IRF9: variants seen among roughly 807,000 people sequenced by gnomAD.
IRF9 encodes the protein interferon regulatory factor 9, also known as IFN-alpha-responsive transcription factor subunit.
A neutral mutation model predicts 44.1 loss-of-function variants in IRF9; 13 were observed. The ratio of observed to expected loss-of-function variants is 0.29; its 90% CI spans 0.19 to 0.47. The LOEUF is 0.47. Among genes scored for constraint, IRF9 ranks in the 20% least tolerant of loss-of-function variants. The probability of loss-of-function intolerance (pLI) is 1.00; values close to 1 mark genes in which losing one functional copy is unlikely to be tolerated. For synonymous variants in IRF9, 189 were observed against 188.5 expected (o/e 1.00, Z -0.02); for missense variants, 373 against 496.1 (o/e 0.75, Z 2.36).
At position 24,162,673 on chromosome 14, in the gene IRF9, G is replaced by A. The variant is rs1594388881; in HGVS notation, c.181-293G>A. On this transcript the variant is annotated intron_variant, in intron 2 of 8. Transcript: ENST00000396864. Reference sequence around the variant, plus strand: ...AACTTAGCTGGGCCTAGCGGTGCATGCCTGTAGTCCCAGCTACTCGGGAGA... The same window carrying A: ...AACTTAGCTGGGCCTAGCGGTGCATACCTGTAGTCCCAGCTACTCGGGAGA... 9 of 444,898 alleles carry A rather than the reference G, an allele frequency of 2.0e-5. 1 individual carries two copies. In the South Asian group the frequency reaches 2.4e-4, roughly 12 times the overall value. The allele number at this position is 444,898 out of a possible 1,614,324, so 27.6% of individuals were successfully genotyped here.
chr14:24,164,856 A>G lies in IRF9; in HGVS notation c.892A>G (p.Ile298Val), dbSNP rs1350718013. ...LFVQRLCPIP[I>V]SWNAPQAPPG... Reference sequence around the variant, plus strand: ...CGTGCAGCGCCTTTGCCCCATCCCCATCTCCTGGAATGCACCCCAGGCTCC... The same window carrying G: ...CGTGCAGCGCCTTTGCCCCATCCCCGTCTCCTGGAATGCACCCCAGGCTCC... Residue 298 changes from isoleucine (I) to valine (V), a missense_variant, in exon 7 of 9, where the codon ATC becomes GTC. By Grantham distance (29) the Ile-to-Val change is conservative. Around this residue, in one of 2 missense-constraint regions of IRF9, gnomAD observed 146 missense variants for 240.8 expected, o/e 0.61. Coordinates refer to ENST00000396864, the MANE Select transcript of IRF9 (RefSeq NM_006084.5). The surrounding 1 kb of genome is among the most constrained non-coding windows in gnomAD (Gnocchi z 5.2). The G allele has an allele frequency of 6.2e-7, 1 of 1,610,788 alleles. No individual in the cohort carries two copies. Among genetic ancestry groups the G allele is most frequent in the South Asian group, 1.1e-5 (1 of 91,054 alleles).
intron 4 of IRF9, 141 bp from the exon 5 acceptor site, chr14:24,163,737 C>A: frequency 1.0e-6 from 1 of 954,838 alleles, no homozygotes; most frequent in Non-Finnish European, 1.6e-6. Context: ...ACTCAGGAGG[C>A]CGAGGCAGGA....
intron 7 of IRF9, 100 bp downstream of exon 7, chr14:24,165,055 A>G: frequency 9.4e-7 from 1 of 1,063,994 alleles, no homozygotes; most frequent in South Asian, 1.3e-5. Flanking sequence ...ATCTGCCAGC[A>G]GATCCTCCAT....
At position 24,164,455 on chromosome 14, in the gene IRF9, T is replaced by C. The variant is rs2038497887; in HGVS notation, c.650-159T>C. The C allele has an allele frequency of 1.4e-6, 1 of 713,884 alleles. No homozygotes were observed. The highest frequency in any genetic ancestry group is 2.7e-5 in the Admixed American group (1 of 36,912). 44.2% of individuals were successfully genotyped at this position (713,884 alleles called of 1,614,324 possible). ...CTGGGCATTGAGCCCTGAGGCCTCA[T>C]GGTGAATCACATACTAGCTACTTGC... On this transcript the variant is annotated intron_variant, in intron 6 of 8. Transcript: ENST00000396864. The surrounding 1 kb of genome is among the most constrained non-coding windows in gnomAD (Gnocchi z 5.2).
At chr14:24,165,775 C>T (rs2038514174) in intron 7 of IRF9, 72 bp from the exon 8 acceptor site, 1 of 1,029,892 alleles carries the variant, frequency 9.7e-7, no homozygotes, top group Non-Finnish European at 1.5e-6. Flanking sequence ...ATGGGTTCCT[C>T]ACTATTGCCT....
rs188267085 is a variant in IRF9 at position 24,164,897 on chromosome 14, G to T, written c.933G>T (p.Pro311=). 6.2e-7 allele frequency: 1 copy of T among 1,612,470 alleles called. No individual in the cohort carries two copies. Among genetic ancestry groups the T allele is most frequent in the Non-Finnish European group, 8.5e-7 (1 of 1,179,920 alleles). Residue 311 remains proline (P), a synonymous_variant, in exon 7 of 9, where the codon CCG becomes CCT. Coordinates refer to ENST00000396864, the MANE Select transcript of IRF9 (RefSeq NM_006084.5). The surrounding 1 kb of genome is among the most constrained non-coding windows in gnomAD (Gnocchi z 5.2). ...CCCAGGCTCCACCTGGGCCAGGCCC[G>T]CATCTGCTGCCCAGCAACGAGTGCG... ...NAPQAPPGPG[P]HLLPSNECVE... is the part of the protein sequence containing the mutation.
At position 24,164,023 on chromosome 14, in the gene IRF9, G is replaced by T; in HGVS notation, c.578-40G>T. On this transcript the variant is annotated intron_variant, in intron 5 of 8. Transcript: ENST00000396864. This position sits in a 1 kb window ranked among gnomAD's most constrained non-coding sequence, Gnocchi z 5.2. ...ACACCCTCTGGCCCAAGACTCCCCA[G>T]TCCCACTCTGAATGACCAGTGCCTT... 1.2e-5 allele frequency: 19 copies of T among 1,613,420 alleles called. No individual in the cohort carries two copies. The highest frequency in any genetic ancestry group is 1.6e-5 in the Non-Finnish European group (19 of 1,179,448).
intron 2 of IRF9, chr14:24,162,735 G>A: frequency 2.0e-6 from 1 of 506,280 alleles, no homozygotes; most frequent in East Asian, 3.5e-5. Context: ...GGGAGGTGGA[G>A]TTGTAGTGAG....
In IRF9 at chr14:24,162,320, T is replaced by C; in HGVS notation, c.176T>C (p.Phe59Ser). The C allele has an allele frequency of 6.2e-7, 1 of 1,613,534 alleles. No individual in the cohort carries two copies. The highest frequency in any genetic ancestry group is 8.5e-7 in the Non-Finnish European group (1 of 1,179,654). The change falls in exon 2 of 9, where the codon TTC (phenylalanine) becomes TCC (serine). Residue 59 changes from phenylalanine to serine, a missense_variant. Around this residue, in one of 2 missense-constraint regions of IRF9, gnomAD observed 227 missense variants for 255.3 expected, o/e 0.89. Coordinates refer to ENST00000396864, the MANE Select transcript of IRF9 (RefSeq NM_006084.5). ...CGGGAGGACCAGGATGCTGCCTTCT[T>C]CAAGGTGAAAGGGCCTGGAAACCAC... ...DFREDQDAAFFKAWAIFKGKY... is the reference protein window; with the variant it reads ...DFREDQDAAFSKAWAIFKGKY...
Position 24,164,777 on chromosome 14 carries a change from G to A in IRF9, c.813G>A (p.Leu271=), listed in dbSNP as rs2038501947. Reference sequence around the variant, plus strand: ...GCCCACTGGAGCCCACGCAGCGCCTGCTGAGCCAGCTTGAGAGGGGCATCC... The same window carrying A: ...GCCCACTGGAGCCCACGCAGCGCCTACTGAGCCAGCTTGAGAGGGGCATCC... ...KPGPLEPTQR[L]LSQLERGILV... The change falls in exon 7 of 9, where the codon CTG becomes CTA. Residue 271 remains leucine (L), a synonymous_variant. Transcript: ENST00000396864. The surrounding 1 kb of genome is among the most constrained non-coding windows in gnomAD (Gnocchi z 5.2). 13 of 1,610,746 alleles carry A rather than the reference G, an allele frequency of 8.1e-6. No homozygotes were observed. The East Asian group carries it at 2.7e-4, about 33-fold the overall frequency.
chr14:24,164,293 C>T lies in IRF9; in HGVS notation c.649+159C>T, dbSNP rs140783593. Reference sequence around the variant, plus strand: ...TTCTAGGTGGCGAGAATTCCATATGCCTGGCCAGACTCCAAAAAGCTTGCT... The same window carrying T: ...TTCTAGGTGGCGAGAATTCCATATGTCTGGCCAGACTCCAAAAAGCTTGCT... On this transcript the variant is annotated intron_variant, in intron 6 of 8. Coordinates refer to ENST00000396864, the MANE Select transcript of IRF9 (RefSeq NM_006084.5). The surrounding 1 kb of genome is among the most constrained non-coding windows in gnomAD (Gnocchi z 5.2). 275 of 676,744 alleles carry T rather than the reference C, an allele frequency of 4.1e-4. No homozygotes were observed. The African/African-American group carries it at 4.4e-3, about 11-fold the overall frequency. The allele number at this position is 676,744 out of a possible 1,614,324, so 41.9% of individuals were successfully genotyped here. A position where few individuals can be genotyped will look rare whatever the true frequency, so the allele number is the denominator to read the frequency against.
rs751778466 is a variant in IRF9, at chr14:24,164,051, C to T, written c.578-12C>T. On this transcript the variant is annotated splice_polypyrimidine_tract_variant and intron_variant, in intron 5 of 8. Coordinates refer to ENST00000396864, the MANE Select transcript of IRF9 (RefSeq NM_006084.5). The surrounding 1 kb of genome is among the most constrained non-coding windows in gnomAD (Gnocchi z 5.2). The stretch of plus-strand genomic sequence containing the variant: ...CCACTCTGAATGACCAGTGCCTTTG[C>T]TTCCCTTCCAGTTACAGACACAACT... 1 of 1,614,052 alleles carries T rather than the reference C, an allele frequency of 6.2e-7. No individual in the cohort carries two copies. The highest frequency in any genetic ancestry group is 1.1e-5 in the South Asian group (1 of 91,082).
chr14:24,165,577 C>G, intron 7 of IRF9: 1 of 540,912 alleles, frequency 1.8e-6, no homozygotes, highest in Non-Finnish European at 3.3e-6. Context: ...AGGGCTGCTA[C>G]CTGGGAGGAC....
rs2038496098 is a variant in IRF9, at chr14:24,164,245, T to A, written c.649+111T>A. ...GGGCTTACAGCAAACTGTACCCACA[T>A]TACCATAGCCCTAGGCAGTGGTTTC... On this transcript the variant is annotated intron_variant, in intron 6 of 8. Coordinates refer to ENST00000396864, the MANE Select transcript of IRF9 (RefSeq NM_006084.5). This position sits in a 1 kb window ranked among gnomAD's most constrained non-coding sequence, Gnocchi z 5.2. 1 of 940,228 alleles carries A rather than the reference T, an allele frequency of 1.1e-6. No individual in the cohort carries two copies. The highest frequency in any genetic ancestry group is 1.7e-6 in the Non-Finnish European group (1 of 584,202). The allele number at this position is 940,228 out of a possible 1,614,324, so 58.2% of individuals were successfully genotyped here. A position where few individuals can be genotyped will look rare whatever the true frequency, so the allele number is the denominator to read the frequency against.
intron 4 of IRF9, 108 bp from the exon 5 acceptor site, chr14:24,163,770 G>C (rs1233135125): frequency 2.2e-5 from 26 of 1,163,954 alleles, no homozygotes; most frequent in Non-Finnish European, 2.8e-5. Flanking sequence ...CCGGGGGGCG[G>C]AGATAGCAGT....
At chr14:24,165,178 G>T (rs768108716) in intron 7 of IRF9, 1 of 703,792 alleles carries the variant, frequency 1.4e-6, no homozygotes, top group South Asian at 1.5e-5. Context: ...GGAAGAGGTG[G>T]TTCAGGTAGA....
chr14:24,165,223 C>T, intron 7 of IRF9: 1 of 702,256 alleles, frequency 1.4e-6, no homozygotes, highest in South Asian at 1.5e-5. Flanking sequence ...TGGAGAACAC[C>T]ATCACACTGA....
intron 2 of IRF9, 48 bp from the exon 3 acceptor site, chr14:24,162,918 G>A: frequency 1.3e-6 from 2 of 1,523,886 alleles, no homozygotes; most frequent in Non-Finnish European, 9.0e-7. Context: ...GGAGGGGCAG[G>A]TGGAGCCTGT....
Position 24,166,264 on chromosome 14 carries a change from T to G in IRF9, c.*68T>G, listed in dbSNP as rs1326422002. On this transcript the variant is annotated 3_prime_UTR_variant, in exon 9 of 9. Transcript: ENST00000396864. ...TGTCTCCTTTGAAGTAGACTCATTC[T>G]TCACACGATTGACCTGTCCTCTTTG... 1.5e-6 allele frequency: 2 copies of G among 1,317,784 alleles called. No individual in the cohort carries two copies. The highest frequency in any genetic ancestry group is 1.4e-5 in the African/African-American group (1 of 69,222). 81.6% of individuals were successfully genotyped at this position (1,317,784 alleles called of 1,614,324 possible). A position where few individuals can be genotyped will look rare whatever the true frequency, so the allele number is the denominator to read the frequency against.
Sources: allele counts gnomAD v4.1 joint callset, GRCh38; gene constraint gnomAD v4.1.1; regional missense constraint gnomAD v4.1.1; non-coding constraint Gnocchi (gnomAD v3.1); transcripts MANE v1.5; gene names NCBI Gene and HGNC (gene_info 2026-07-23, HGNC 2026-07-21).